Variants in PAX5 observed in about 807,000 individuals in gnomAD.
The protein encoded by PAX5 is paired box 5.
Under a neutral mutation model 43.7 loss-of-function variants are expected in PAX5, and 9 were observed. The observed-to-expected ratio is 0.21, with a 90% confidence interval of 0.12 to 0.36. The LOEUF (loss-of-function observed/expected upper bound fraction) is 0.36. PAX5 is among the 10% of genes least tolerant of loss of function. The pLI, the probability that PAX5 is intolerant of heterozygous loss-of-function variation, is 1.00. For missense variants in PAX5, 383 were observed against 532.7 expected (o/e 0.72, Z 2.77); for synonymous variants, 228 against 214.3 (o/e 1.06, Z -0.56).
At chr9:36,891,147 C>CA (rs545088727) in intron 7 of PAX5, among the ~76,000 whole-genome samples, 18 of 150,848 alleles carry the variant, frequency 1.2e-4, no homozygotes, top group African/African-American at 3.4e-4. Context: ...TCCAAAAAAA[C>CA]AAAAAAAAAC....
intron 6 of PAX5, among the ~76,000 whole-genome samples, chr9:36,932,957 A>T (rs1588012541): frequency 6.6e-6 from 1 of 151,960 alleles, no homozygotes. Flanking sequence ...GGAGTTCAAG[A>T]CCAGCCTGGC....
At chr9:36,904,254 G>A (rs1828630453) in intron 7 of PAX5, among the ~76,000 whole-genome samples, 1 of 152,122 alleles carries the variant, frequency 6.6e-6, no homozygotes, top group Non-Finnish European at 1.5e-5. Context: ...AGCTGTTCAG[G>A]ATTGAAACCA....
chr9:37,011,144 A>AAAAAAAAAAAAAAAAG (rs1564074650), intron 3 of PAX5, among the ~76,000 whole-genome samples: 1 of 145,572 alleles, frequency 6.9e-6, no homozygotes, highest in Non-Finnish European at 1.5e-5. Flanking sequence ...AAAAAAAAAA[A>AAAAAAAAAAAAAAAAG]AAAGAAAGAG....
At chr9:36,966,191 T>C (rs1834414603) in intron 6 of PAX5, among the ~76,000 whole-genome samples, 1 of 152,144 alleles carries the variant, frequency 6.6e-6, no homozygotes, top group Non-Finnish European at 1.5e-5. Flanking sequence ...ATTTCCACCA[T>C]CACCCTGACT....
intron 7 of PAX5, among the ~76,000 whole-genome samples, chr9:36,907,113 T>C (rs1398517224): frequency 1.3e-5 from 2 of 152,138 alleles, no homozygotes; most frequent in African/African-American, 4.8e-5. Flanking sequence ...GTAGAGGAGT[T>C]AGGAGAAAAC....
intron 7 of PAX5, among the ~76,000 whole-genome samples, chr9:36,915,202 C>T (rs1272840700): frequency 6.6e-6 from 1 of 152,134 alleles, no homozygotes; most frequent in African/African-American, 2.4e-5. Context: ...CTGAGTCAAG[C>T]AAGTAAACAT....
intron 1 of PAX5, chr9:37,026,389 C>A: frequency 1.5e-6 from 1 of 666,454 alleles, no homozygotes; most frequent in East Asian, 5.9e-5. Flanking sequence ...AGGTCCCCTG[C>A]CTGGGATCCC....
Position 36,966,648 on chromosome 9 carries a change from G to A in PAX5, c.681C>T (p.Asp227=), listed in dbSNP as rs2132194538. Residue 227 remains aspartate, a synonymous_variant, in exon 6 of 10, where the codon GAC becomes GAT. Transcript: ENST00000358127. ...RDFLRKQMRG[D]LFTQQQLEVL... Reference sequence around the variant, plus strand: ...CCTCCAGCTGCTGCTGTGTGAACAAGTCTCCCCGCATCTGCTTCCGGAGGA... The same window carrying A: ...CCTCCAGCTGCTGCTGTGTGAACAAATCTCCCCGCATCTGCTTCCGGAGGA... 1 of 1,614,218 alleles carries A rather than the reference G, an allele frequency of 6.2e-7. No homozygotes were observed. The highest frequency in any genetic ancestry group is 2.2e-5 in the East Asian group (1 of 44,884).
At position 36,966,682 on chromosome 9, in the gene PAX5, C is replaced by A. The variant is rs779726338; in HGVS notation, c.647G>T (p.Gly216Val). The change falls in exon 6 of 10, where the codon GGC (glycine) becomes GTC (valine). Residue 216 changes from glycine (G) to valine (V), a missense_variant. By Grantham distance (109) the Gly-to-Val change is moderately radical. Around this residue, in one of 5 missense-constraint regions of PAX5, gnomAD observed 291 missense variants for 342.5 expected, o/e 0.85. Transcript: ENST00000358127. ...CATCTGCTTCCGGAGGAAGTCTCTG[C>A]CCGGAAGCGAGTGGCCGTTCGGCAC... ...SPVPNGHSLP[G>V]RDFLRKQMRG... 3 of 1,614,200 alleles carry A rather than the reference C, an allele frequency of 1.9e-6. No homozygotes were observed. In the Admixed American group the frequency reaches 5.0e-5, roughly 27 times the overall value.
intron 8 of PAX5, among the ~76,000 whole-genome samples, chr9:36,867,658 G>A (rs1163519341): frequency 3.3e-5 from 5 of 152,208 alleles, no homozygotes; most frequent in African/African-American, 9.6e-5. Flanking sequence ...CTCTTCAGGC[G>A]AAGGGTATGG....
intron 7 of PAX5, among the ~76,000 whole-genome samples, chr9:36,890,097 C>T (rs965257926): frequency 2.0e-5 from 3 of 152,198 alleles, no homozygotes; most frequent in Admixed American, 2.0e-4. Flanking sequence ...CCCAGTCCTT[C>T]GCTTCAAACC....
At chr9:36,940,040 C>T (rs1030598123) in intron 6 of PAX5, among the ~76,000 whole-genome samples, 3 of 152,226 alleles carry the variant, frequency 2.0e-5, no homozygotes, top group Non-Finnish European at 2.9e-5. Context: ...CCACTCCAGC[C>T]GGGGCTTAAT....
chr9:36,850,520 A>G (rs1328570039), intron 8 of PAX5, among the ~76,000 whole-genome samples: 1 of 152,208 alleles, frequency 6.6e-6, no homozygotes, highest in Non-Finnish European at 1.5e-5. Flanking sequence ...AGTTCCCACA[A>G]TGAACCCCTT....
intron 7 of PAX5, among the ~76,000 whole-genome samples, chr9:36,883,606 G>A (rs1563929313): frequency 6.6e-6 from 1 of 152,174 alleles, no homozygotes; most frequent in Non-Finnish European, 1.5e-5. Context: ...AAGTGGTGTA[G>A]GTTGCAGTGA....
rs139915095 is a variant in PAX5, at chr9:36,889,947, G to A, written c.911-7842C>T. On this transcript the variant is annotated intron_variant, in intron 7 of 9. Transcript: ENST00000358127. ...CTCTCTCTATGTACACTAACGGGGG[G>A]GGGGGGAATGTGAATCCAATTAACT... Among the ~76,000 whole-genome samples, 9 of 144,354 alleles carry A rather than the reference G, an allele frequency of 6.2e-5. No individual in the cohort carries two copies. The South Asian group carries it at 9.6e-4, about 15-fold the overall frequency. 94.7% of individuals were successfully genotyped at this position (144,354 alleles called of 152,430 possible).
intron 7 of PAX5, among the ~76,000 whole-genome samples, chr9:36,896,932 TGCGCAA>T (rs1827918480): frequency 6.6e-6 from 1 of 152,220 alleles, no homozygotes; most frequent in African/African-American, 2.4e-5. Context: ...TGAAGGGTCC[TGCGCAA>T]GCTCTCACAT....
rs1013114979 is a variant in PAX5 at position 36,913,979 on chromosome 9, C to A, written c.910+9376G>T. Among the ~76,000 whole-genome samples the A allele has an allele frequency of 4.6e-5, 7 of 152,262 alleles. No homozygotes were observed. The South Asian group carries it at 1.5e-3, about 32-fold the overall frequency. ...CGTGTGGTGAAACAGAGCCCCCCAC[C>A]CCCCAACAGCTCCTGGGGGCATTCC... On this transcript the variant is annotated intron_variant, in intron 7 of 9. Transcript: ENST00000358127.
At chr9:36,881,935 G>C (rs766894200) in intron 8 of PAX5, 69 bp downstream of exon 8, 63 of 1,136,584 alleles carry the variant, frequency 5.5e-5, no homozygotes, top group Admixed American at 2.6e-4. Flanking sequence ...AGGCTGTTTG[G>C]GGGGGGATGT....
chr9:36,884,237 C>G (rs1765531570), intron 7 of PAX5, among the ~76,000 whole-genome samples: 1 of 152,148 alleles, frequency 6.6e-6, no homozygotes, highest in Non-Finnish European at 1.5e-5. Context: ...TGTTAATATA[C>G]ATGTAAAAAG....
Sources: gnomAD v4.1 joint callset for allele counts (sites outside exome capture counted in the v4.1 genomes callset) on GRCh38, gnomAD v4.1.1 for gene constraint, gnomAD v4.1.1 regional missense constraint, MANE v1.5 for transcripts, NCBI Gene and HGNC (gene_info 2026-07-23, HGNC 2026-07-21) for gene names.